The following GALNT13 variants were observed in gnomAD, a reference collection of about 807,000 sequenced individuals.
The protein encoded by GALNT13 is UDP-GalNAc:polypeptide N-acetylgalactosaminyltransferase 13.
In GALNT13, 28 loss-of-function variants were observed where a neutral mutation model predicts 64.2. That is an observed-to-expected ratio of 0.44 (90% CI 0.32 to 0.60). The LOEUF is 0.60. GALNT13 is among the 20% of genes least tolerant of loss of function. The probability of loss-of-function intolerance (pLI) is 0.05; values close to 1 mark genes in which losing one functional copy is unlikely to be tolerated. For missense variants in GALNT13, 577 were observed against 669.8 expected (o/e 0.86, Z 1.53); for synonymous variants, 214 against 224.6 (o/e 0.95, Z 0.42).
At chr2:153,955,828 C>T (rs1407434652) in intron 3 of GALNT13, among the ~76,000 whole-genome samples, 4 of 152,110 alleles carry the variant, frequency 2.6e-5, no homozygotes, top group Non-Finnish European at 5.9e-5. Context: ...CTCATCTGGC[C>T]GAGAACATCC....
At chr2:153,359,549 G>A in the GALNT13 span, among the ~76,000 whole-genome samples, 3 of 139,734 alleles carry the variant, frequency 2.1e-5, no homozygotes, top group African/African-American at 8.0e-5. Context: ...AATATAAAGA[G>A]AGACGGTGCC....
the GALNT13 span, among the ~76,000 whole-genome samples, chr2:153,464,835 G>A: frequency 6.6e-6 from 1 of 152,048 alleles, no homozygotes; most frequent in Non-Finnish European, 1.5e-5. Flanking sequence ...ACCAATGCAA[G>A]TGTAACATTT....
the GALNT13 span, among the ~76,000 whole-genome samples, chr2:153,186,493 A>G: frequency 4.0e-5 from 6 of 151,878 alleles, no homozygotes; most frequent in Admixed American, 3.9e-4. Context: ...TGATCCTGCC[A>G]TCATGATGCT....
intron 1 of GALNT13, among the ~76,000 whole-genome samples, chr2:153,878,868 A>G (rs1285386112): frequency 1.3e-5 from 2 of 152,208 alleles, no homozygotes; most frequent in African/African-American, 2.4e-5. Flanking sequence ...AAAGAGGAAA[A>G]GAATACTGGT....
At chr2:154,322,926 T>G (rs2105168081) in intron 9 of GALNT13, among the ~76,000 whole-genome samples, 1 of 152,134 alleles carries the variant, frequency 6.6e-6, no homozygotes, top group East Asian at 1.9e-4. Flanking sequence ...AAGACTTGGC[T>G]GACCTAGAAT....
chr2:153,173,827 A>G, the GALNT13 span, among the ~76,000 whole-genome samples: 1 of 152,182 alleles, frequency 6.6e-6, no homozygotes, highest in South Asian at 2.1e-4. Context: ...TATGGGTGAG[A>G]CGCAATATTA....
chr2:154,452,134 C>A lies in GALNT13; in HGVS notation c.*1583C>A, dbSNP rs1167690422. The A allele has an allele frequency of 2.0e-5, 3 of 152,170 alleles. No homozygotes were observed. The highest frequency in any genetic ancestry group is 2.0e-4 in the Admixed American group (3 of 15,258). 9.4% of individuals were successfully genotyped at this position (152,170 alleles called of 1,614,324 possible). A position where few individuals can be genotyped will look rare whatever the true frequency, so the allele number is the denominator to read the frequency against. On this transcript the variant is annotated 3_prime_UTR_variant, in exon 13 of 13. Coordinates refer to ENST00000392825, the MANE Select transcript of GALNT13 (RefSeq NM_052917.4). ...ACAACTGTAGGGAAGAATCTACAAC[C>A]TGGAGCATTTCAGGTTTGCTCTTTA...
intron 3 of GALNT13, among the ~76,000 whole-genome samples, chr2:154,000,357 G>A (rs111489366): frequency 0.015 from 2,290 of 151,818 alleles, 27 homozygotes; most frequent in Non-Finnish European, 0.02. Context: ...AATTTTGGGC[G>A]TACTTTGTTC....
At chr2:153,478,893 G>A in the GALNT13 span, 7 of 322,848 alleles carry the variant, frequency 2.2e-5, no homozygotes, top group African/African-American at 1.5e-4. Context: ...GCGGCGGGGT[G>A]GCTGCGCTGA....
chr2:154,304,795 T>C (rs967412899), intron 9 of GALNT13, among the ~76,000 whole-genome samples: 1 of 152,216 alleles, frequency 6.6e-6, no homozygotes, highest in Admixed American at 6.5e-5. Flanking sequence ...AAAATGGATT[T>C]ATTTAAATGT....
chr2:153,329,182 A>T, the GALNT13 span, among the ~76,000 whole-genome samples: 1 of 151,992 alleles, frequency 6.6e-6, no homozygotes, highest in Non-Finnish European at 1.5e-5. Flanking sequence ...CTCAGCTGGA[A>T]ATGCAGAAAT....
intron 3 of GALNT13, among the ~76,000 whole-genome samples, chr2:154,022,043 G>A (rs1274061471): frequency 6.6e-6 from 1 of 152,168 alleles, no homozygotes; most frequent in Non-Finnish European, 1.5e-5. Flanking sequence ...TTGCATCCCA[G>A]GGATGAAGCC....
chr2:153,231,691 A>G, the GALNT13 span, among the ~76,000 whole-genome samples: 1 of 152,200 alleles, frequency 6.6e-6, no homozygotes, highest in Non-Finnish European at 1.5e-5. Flanking sequence ...TTCTCTTAGC[A>G]AAGGAACCAC....
chr2:153,680,935 G>A, the GALNT13 span, among the ~76,000 whole-genome samples: 8 of 151,862 alleles, frequency 5.3e-5, no homozygotes, highest in African/African-American at 1.4e-4. Flanking sequence ...AGTTTTTCAG[G>A]GATAGCCTTA....
At chr2:153,345,707 T>TTCTCTC in the GALNT13 span, among the ~76,000 whole-genome samples, 2 of 93,902 alleles carry the variant, frequency 2.1e-5, no homozygotes, top group Non-Finnish European at 4.7e-5. Flanking sequence ...TTCTTTCTCT[T>TTCTCTC]TCTCTCTTTC....
the GALNT13 span, among the ~76,000 whole-genome samples, chr2:153,198,717 C>A: frequency 6.6e-6 from 1 of 152,108 alleles, no homozygotes; most frequent in East Asian, 1.9e-4. Context: ...CAGAGTTGAT[C>A]CTGTTGAGCT....
chr2:153,595,296 C>T, the GALNT13 span, among the ~76,000 whole-genome samples: 14 of 147,214 alleles, frequency 9.5e-5, no homozygotes, highest in Admixed American at 4.1e-4. Context: ...ATAGAGACCA[C>T]GTGCCAAATA....
In GALNT13 at chr2:153,872,158, G is replaced by A. The variant is rs1685992006; in HGVS notation, c.-322G>A. 1 of 150,224 alleles carries A rather than the reference G, an allele frequency of 6.7e-6. No homozygotes were observed. The highest frequency in any genetic ancestry group is 6.6e-5 in the Admixed American group (1 of 15,082). 9.3% of individuals were successfully genotyped at this position (150,224 alleles called of 1,614,324 possible). A position where few individuals can be genotyped will look rare whatever the true frequency, so the allele number is the denominator to read the frequency against. Reference sequence around the variant, plus strand: ...AGCCGGGGCTGCGCGCGGCGCTCGCGGGCCGGCGCGGGTTCCAGGTGAGCG... The same window carrying A: ...AGCCGGGGCTGCGCGCGGCGCTCGCAGGCCGGCGCGGGTTCCAGGTGAGCG... On this transcript the variant is annotated 5_prime_UTR_variant, in exon 1 of 13. Coordinates refer to ENST00000392825, the MANE Select transcript of GALNT13 (RefSeq NM_052917.4).
intron 12 of GALNT13, among the ~76,000 whole-genome samples, chr2:154,446,975 G>A (rs707072): frequency 6.6e-6 from 1 of 151,274 alleles, no homozygotes; most frequent in African/African-American, 2.4e-5. Flanking sequence ...ATGAGTAGGG[G>A]TTTTTTTGTT....
Sources: allele counts gnomAD v4.1 joint callset (sites outside exome capture counted in the v4.1 genomes callset), GRCh38; gene constraint gnomAD v4.1.1; transcripts MANE v1.5; gene names NCBI Gene and HGNC (gene_info 2026-07-23, HGNC 2026-07-21).